The following KATNIP variants were observed in gnomAD, a reference collection of about 807,000 sequenced individuals.
KATNIP encodes the protein katanin interacting protein.
KATNIP carries 126 observed loss-of-function variants against 174.0 expected under a neutral mutation model. That is an observed-to-expected ratio of 0.72 (90% CI 0.63 to 0.84). The LOEUF (loss-of-function observed/expected upper bound fraction) is 0.84. Among genes scored for constraint, KATNIP ranks in the 40% least tolerant of loss-of-function variants. The pLI is 0.00. For synonymous variants in KATNIP, 810 were observed against 835.7 expected (o/e 0.97, Z 0.53); for missense variants, 1,958 against 2,109.7 (o/e 0.93, Z 1.41).
intron 13 of KATNIP, chr16:27,718,953 G>A (rs1265915354): frequency 6.6e-6 from 1 of 152,298 alleles, no homozygotes; most frequent in Non-Finnish European, 1.5e-5. Flanking sequence ...TAAAACCCCA[G>A]ATCAGCCAAT....
Position 27,698,451 on chromosome 16 carries a change from A to G in KATNIP, c.1064A>G (p.Gln355Arg), listed in dbSNP as rs1381014985. ...ATCCAGGTGGAGAACGCAGCCCTGCAGAGGGCGCTCCTCAGCAGAAAGGCC... is the reference window on the plus strand; with the variant it reads ...ATCCAGGTGGAGAACGCAGCCCTGCGGAGGGCGCTCCTCAGCAGAAAGGCC... ...QAIQVENAAL[Q>R]RALLSRKAEQ... Residue 355 changes from glutamine (Q) to arginine (R), a missense_variant, in exon 9 of 28, where the codon CAG becomes CGG. Coordinates refer to ENST00000261588, the MANE Select transcript of KATNIP (RefSeq NM_015202.5). The G allele has an allele frequency of 6.2e-7, 1 of 1,613,224 alleles. No homozygotes were observed. Among genetic ancestry groups the G allele is most frequent in the Non-Finnish European group, 8.5e-7 (1 of 1,179,696 alleles).
intron 5 of KATNIP, among the ~76,000 whole-genome samples, chr16:27,636,482 C>T (rs1046750622): frequency 6.6e-6 from 1 of 152,190 alleles, no homozygotes; most frequent in Non-Finnish European, 1.5e-5. Context: ...TGCTCACTGG[C>T]TGTGTGTCCT....
chr16:27,752,763 A>G (rs1303028597), intron 17 of KATNIP, among the ~76,000 whole-genome samples: 3 of 151,960 alleles, frequency 2.0e-5, no homozygotes, highest in Non-Finnish European at 2.9e-5. Flanking sequence ...TATGTTGCCC[A>G]GGTTGGTCAT....
At chr16:27,735,466 A>G (rs954423269) in intron 14 of KATNIP, among the ~76,000 whole-genome samples, 3 of 152,180 alleles carry the variant, frequency 2.0e-5, no homozygotes, top group African/African-American at 7.2e-5. Context: ...TGTGGCAGTA[A>G]TTTTGCAGAA....
At chr16:27,702,964 C>T (rs143949287) in intron 11 of KATNIP, among the ~76,000 whole-genome samples, 2,433 of 152,188 alleles carry the variant, frequency 0.016, 23 homozygotes, top group Middle Eastern at 0.037. Flanking sequence ...GTCAGGAGGT[C>T]GACACCAGCC....
intron 14 of KATNIP, among the ~76,000 whole-genome samples, chr16:27,724,192 C>T (rs181115038): frequency 3.0e-4 from 46 of 152,270 alleles, no homozygotes; most frequent in African/African-American, 9.1e-4. Context: ...CAGCCCCAGC[C>T]CACATAGCCA....
At chr16:27,574,879 A>G (rs949172679) in intron 2 of KATNIP, among the ~76,000 whole-genome samples, 24 of 152,154 alleles carry the variant, frequency 1.6e-4, no homozygotes, top group African/African-American at 5.8e-4. Context: ...AGCAGGTCAC[A>G]AGGTCCCAGA....
At position 27,776,555 on chromosome 16, in the gene KATNIP, T is replaced by G. The variant is rs927957893; in HGVS notation, c.4450-373T>G. Among the ~76,000 whole-genome samples, 1 of 152,274 alleles carries G rather than the reference T, an allele frequency of 6.6e-6. No homozygotes were observed. Among genetic ancestry groups the G allele is most frequent in the African/African-American group, 2.4e-5 (1 of 41,572 alleles). ...AGATGCTGATCACCATGGCTGGTGCTCAACCCGAGTTGGGGACTGTCCCTT... is the reference window on the plus strand; with the variant it reads ...AGATGCTGATCACCATGGCTGGTGCGCAACCCGAGTTGGGGACTGTCCCTT... On this transcript the variant is annotated intron_variant, in intron 24 of 27. Coordinates refer to ENST00000261588, the MANE Select transcript of KATNIP (RefSeq NM_015202.5). The surrounding 1 kb of genome is among the most constrained non-coding windows in gnomAD (Gnocchi z 4.7).
At chr16:27,614,786 G>A (rs2075993653) in intron 2 of KATNIP, among the ~76,000 whole-genome samples, 1 of 152,196 alleles carries the variant, frequency 6.6e-6, no homozygotes, top group South Asian at 2.1e-4. Flanking sequence ...TGGGTCTAGA[G>A]AGAGGGAAGT....
At position 27,699,742 on chromosome 16, in the gene KATNIP, C is replaced by G. The variant is rs1597211011; in HGVS notation, c.1179+143C>G. On this transcript the variant is annotated intron_variant, in intron 10 of 27. Coordinates refer to ENST00000261588, the MANE Select transcript of KATNIP (RefSeq NM_015202.5). ...GGGCGCTTTCCTTCACACTGTCCTA[C>G]CAGGTCCTCACTGTGTGCCCTGAGC... is the stretch of plus-strand genomic sequence containing the variant. 2.8e-6 allele frequency: 3 copies of G among 1,060,380 alleles called. No homozygotes were observed. In the East Asian group the frequency reaches 7.9e-5, roughly 28 times the overall value. The allele number at this position is 1,060,380 out of a possible 1,614,324, so 65.7% of individuals were successfully genotyped here.
At chr16:27,731,866 C>A (rs1014555753) in intron 14 of KATNIP, among the ~76,000 whole-genome samples, 1 of 152,110 alleles carries the variant, frequency 6.6e-6, no homozygotes, top group African/African-American at 2.4e-5. Context: ...GGTTATCCAC[C>A]CACCTTGGCC....
At position 27,616,887 on chromosome 16, in the gene KATNIP, T is replaced by TAAAAAAAAA. The variant is rs556687403; in HGVS notation, c.64-1508_64-1500dup. Among the ~76,000 whole-genome samples, 6 of 31,428 alleles carry TAAAAAAAAA rather than the reference T, an allele frequency of 1.9e-4. 1 individual carries two copies. Among genetic ancestry groups the TAAAAAAAAA allele is most frequent in the Non-Finnish European group, 2.6e-4 (5 of 19,214 alleles). The allele number at this position is 31,428 out of a possible 152,430, so 20.6% of individuals were successfully genotyped here. A position where few individuals can be genotyped will look rare whatever the true frequency, so the allele number is the denominator to read the frequency against. Reference sequence around the variant, plus strand: ...CAACATAGTGAGATGCCATCTCTACTAAAAAAAAAAAAAAAAAAAAAAAAA... The same window carrying TAAAAAAAAA: ...CAACATAGTGAGATGCCATCTCTACTAAAAAAAAAAAAAAAAAAAAAAAAAAAAAAAAAA... On this transcript the variant is annotated intron_variant, in intron 2 of 27. Transcript: ENST00000261588.
intron 3 of KATNIP, among the ~76,000 whole-genome samples, chr16:27,624,271 C>T (rs1159671561): frequency 1.3e-5 from 2 of 152,158 alleles, no homozygotes; most frequent in East Asian, 1.9e-4. Flanking sequence ...CGGTGGCCCA[C>T]GAGGAGGAGA....
At position 27,730,059 on chromosome 16, in the gene KATNIP, A is replaced by C. The variant is rs571110361; in HGVS notation, c.1743+8364A>C. The stretch of plus-strand genomic sequence containing the variant: ...TGCCCCTGCAAGCTCATGCCCAGGC[A>C]GGGGAGGCCCAGGGGCCCTGCAGTG... On this transcript the variant is annotated intron_variant, in intron 14 of 27. Transcript: ENST00000261588. Among the ~76,000 whole-genome samples the C allele has an allele frequency of 2.6e-5, 4 of 152,350 alleles. No individual in the cohort carries two copies. In the South Asian group the frequency reaches 8.3e-4, roughly 32 times the overall value.
chr16:27,689,878 C>T (rs1324039412), intron 8 of KATNIP, among the ~76,000 whole-genome samples: 1 of 152,094 alleles, frequency 6.6e-6, no homozygotes, highest in Non-Finnish European at 1.5e-5. Context: ...TAGGACAGCC[C>T]ATCTTGGCCC....
Position 27,628,800 on chromosome 16 carries a change from A to C in KATNIP, c.280A>C (p.Arg94=). ...GAAAGCTATTCACTCTGACTTCTCC[A>C]GAAGTGCCTCCCACACGGAGGGGAC... ...PRKAIHSDFS[R]SASHTEGTHD... Residue 94 remains arginine, a synonymous_variant, in exon 4 of 28, where the codon AGA becomes CGA. Transcript: ENST00000261588. 1 of 1,614,236 alleles carries C rather than the reference A, an allele frequency of 6.2e-7. No individual in the cohort carries two copies. Among genetic ancestry groups the C allele is most frequent in the Admixed American group, 1.7e-5 (1 of 60,020 alleles).
At position 27,628,799 on chromosome 16, in the gene KATNIP, C is replaced by G. The variant is rs1219563217; in HGVS notation, c.279C>G (p.Ser93=). 1 of 1,614,084 alleles carries G rather than the reference C, an allele frequency of 6.2e-7. No individual in the cohort carries two copies. Among genetic ancestry groups the G allele is most frequent in the African/African-American group, 1.3e-5 (1 of 74,932 alleles). Residue 93 remains serine (S), a synonymous_variant, in exon 4 of 28, where the codon TCC becomes TCG. Coordinates refer to ENST00000261588, the MANE Select transcript of KATNIP (RefSeq NM_015202.5). Reference sequence around the variant, plus strand: ...GGAAAGCTATTCACTCTGACTTCTCCAGAAGTGCCTCCCACACGGAGGGGA... The same window carrying G: ...GGAAAGCTATTCACTCTGACTTCTCGAGAAGTGCCTCCCACACGGAGGGGA... ...SPRKAIHSDF[S]RSASHTEGTH...
intron 2 of KATNIP, among the ~76,000 whole-genome samples, chr16:27,618,012 A>G (rs912542460): frequency 7.9e-5 from 12 of 152,158 alleles, no homozygotes; most frequent in African/African-American, 2.7e-4. Flanking sequence ...TGCTAGTTTT[A>G]CAGGCATGAG....
intron 1 of KATNIP, among the ~76,000 whole-genome samples, chr16:27,571,927 C>T (rs1028386580): frequency 6.6e-6 from 1 of 152,210 alleles, no homozygotes; most frequent in Non-Finnish European, 1.5e-5. Context: ...AGCAGCAAGC[C>T]TCAGGAGGTC....
Sources: allele counts gnomAD v4.1 joint callset (sites outside exome capture counted in the v4.1 genomes callset), GRCh38; gene constraint gnomAD v4.1.1; non-coding constraint Gnocchi (gnomAD v3.1); transcripts MANE v1.5; gene names NCBI Gene and HGNC (gene_info 2026-07-23, HGNC 2026-07-21).